Variants in FAM20C observed in about 807,000 individuals in gnomAD.
The protein encoded by FAM20C is FAM20C golgi associated secretory pathway kinase, also known as extracellular serine/threonine protein kinase FAM20C.
In FAM20C, 40 loss-of-function variants were observed where a neutral mutation model predicts 51.5. That is an observed-to-expected ratio of 0.78 (90% CI 0.60 to 1.01). FAM20C has a LOEUF of 1.01. FAM20C is among the 50% of genes least tolerant of loss of function. The probability of loss-of-function intolerance (pLI) is 0.00; values close to 1 mark genes in which losing one functional copy is unlikely to be tolerated. For synonymous variants in FAM20C, 406 were observed against 380.6 expected, an observed-to-expected ratio of 1.07 and a Z score of -0.78; for missense variants, 861 against 844.7, an observed-to-expected ratio of 1.02 and a Z score of -0.24.
intron 5 of FAM20C, among the ~76,000 whole-genome samples, chr7:249,803 C>T (rs1788325602): frequency 6.6e-6 from 1 of 152,204 alleles, no homozygotes; most frequent in Non-Finnish European, 1.5e-5. Context: ...TCCTCCTCTC[C>T]AAGCGCCTCT....
At chr7:193,881 C>T in intron 1 of FAM20C, 77 bp downstream of exon 1, 2 of 1,472,388 alleles carry the variant, frequency 1.4e-6, no homozygotes, top group Non-Finnish European at 1.8e-6. Context: ...TTCAGGGGCC[C>T]CAGAGGGCCG....
At chr7:240,604 A>T (rs1278978184) in intron 3 of FAM20C, among the ~76,000 whole-genome samples, 2 of 152,118 alleles carry the variant, frequency 1.3e-5, no homozygotes, top group African/African-American at 4.8e-5. Context: ...AAGGCTGCAG[A>T]TAGATCTAGA....
chr7:243,950 T>A (rs867041719), intron 3 of FAM20C, among the ~76,000 whole-genome samples: 1 of 143,168 alleles, frequency 7.0e-6, no homozygotes, highest in Non-Finnish European at 1.5e-5. Flanking sequence ...TAATAATTAT[T>A]ATTATTATTA....
At chr7:231,048 G>A (rs1787653125) in intron 3 of FAM20C, among the ~76,000 whole-genome samples, 1 of 152,156 alleles carries the variant, frequency 6.6e-6, no homozygotes, top group Non-Finnish European at 1.5e-5. Context: ...GACGGCCTGG[G>A]AGATGATGCT....
intron 3 of FAM20C, among the ~76,000 whole-genome samples, chr7:240,444 GATA>G (rs1197406211): frequency 0.019 from 2,600 of 134,934 alleles, 123 homozygotes; most frequent in African/African-American, 0.063. Context: ...TGATAAGGAT[GATA>G]ATGATGGTGG....
chr7:244,657 G>C (rs1470651527), intron 3 of FAM20C, among the ~76,000 whole-genome samples: 1 of 152,232 alleles, frequency 6.6e-6, no homozygotes, highest in Non-Finnish European at 1.5e-5. Context: ...GAAGTGCACA[G>C]AGATAGCAAT....
At chr7:209,099 C>T (rs1286824466) in intron 3 of FAM20C, 123 bp downstream of exon 3, 2 of 928,764 alleles carry the variant, frequency 2.2e-6, no homozygotes, top group Non-Finnish European at 3.3e-6. Flanking sequence ...TGTGGGTGAC[C>T]ACTCTCAACT....
Position 259,881 on chromosome 7 carries a change from C to T in FAM20C, c.1656C>T (p.Val552=), listed in dbSNP as rs997708166. The stretch of plus-strand genomic sequence containing the variant: ...AGGCCCTGGACCGGCGGCTCCGCGT[C>T]GTGCTAAAGGCCGTCCGGGACTGCG... ...HLEALDRRLR[V]VLKAVRDCVE... The change falls in exon 10 of 10, where the codon GTC becomes GTT. Residue 552 remains valine (V), a synonymous_variant. Coordinates refer to ENST00000313766, the MANE Select transcript of FAM20C (RefSeq NM_020223.4). 37 of 1,536,056 alleles carry T rather than the reference C, an allele frequency of 2.4e-5. No individual in the cohort carries two copies. The highest frequency in any genetic ancestry group is 2.7e-5 in the Non-Finnish European group (31 of 1,146,720).
chr7:210,629 G>A (rs1270609304), intron 3 of FAM20C, among the ~76,000 whole-genome samples: 1 of 152,134 alleles, frequency 6.6e-6, no homozygotes, highest in Admixed American at 6.5e-5. Flanking sequence ...CCTCGCAAAT[G>A]TTTCCAGGTT....
chr7:220,706 G>T (rs1477174328), intron 3 of FAM20C, among the ~76,000 whole-genome samples: 1 of 152,194 alleles, frequency 6.6e-6, no homozygotes, highest in Non-Finnish European at 1.5e-5. Context: ...CGTGTGCAGG[G>T]GAGAGAGGCC....
rs916798218 is a variant in FAM20C, at chr7:229,107, C to T, written c.864-17308C>T. 5.8e-6 allele frequency: 2 copies of T among 342,838 alleles called. 1 individual carries two copies. The highest frequency in any genetic ancestry group is 7.6e-5 in the Admixed American group (2 of 26,160). The allele number at this position is 342,838 out of a possible 1,614,324, so 21.2% of individuals were successfully genotyped here. On this transcript the variant is annotated intron_variant, in intron 3 of 9. Transcript: ENST00000313766. ...GGACCAGAAGCAGGGAAATGTCCCA[C>T]CCAGGAGGGGCCCTTCACGTCCAGA...
Position 256,009 on chromosome 7 carries a change from C to T in FAM20C, c.1233C>T (p.Tyr411=), listed in dbSNP as rs1788576192. 6.5e-7 allele frequency: 1 copy of T among 1,535,984 alleles called. No individual in the cohort carries two copies. The highest frequency in any genetic ancestry group is 2.4e-5 in the East Asian group (1 of 40,902). The change falls in exon 6 of 10, where the codon TAC becomes TAT. Residue 411 remains tyrosine (Y), a synonymous_variant. Coordinates refer to ENST00000313766, the MANE Select transcript of FAM20C (RefSeq NM_020223.4). ...GGCGGAACCCTTGGCGGCGTTCCTA[C>T]CACAAGCGCAAGAAGGCCGAGTGAG... ...KTWRNPWRRS[Y]HKRKKAEWEV...
At chr7:254,514 C>G (rs756999700) in intron 5 of FAM20C, among the ~76,000 whole-genome samples, 1 of 152,228 alleles carries the variant, frequency 6.6e-6, no homozygotes, top group African/African-American at 2.4e-5. Context: ...CGCCGTCGGC[C>G]GGGCCTCCAG....
chr7:258,806 T>C, intron 9 of FAM20C, 101 bp downstream of exon 9: 3 of 1,178,332 alleles, frequency 2.5e-6, no homozygotes, highest in Non-Finnish European at 1.2e-6. Context: ...GGCCATCACA[T>C]GGGAGAGAAA....
intron 2 of FAM20C, among the ~76,000 whole-genome samples, chr7:208,191 GT>G (rs1444293433): frequency 7.0e-6 from 1 of 142,758 alleles, no homozygotes; most frequent in African/African-American, 2.6e-5. Context: ...GTGTCGGGGG[GT>G]GTCTGTGGGT....
At chr7:201,565 G>T (rs942321357) in intron 2 of FAM20C, among the ~76,000 whole-genome samples, 1 of 152,202 alleles carries the variant, frequency 6.6e-6, no homozygotes, top group African/African-American at 2.4e-5. Context: ...ACCTGCTCTG[G>T]GTTCTTCCTT....
chr7:226,930 C>T (rs1035158225), intron 3 of FAM20C, among the ~76,000 whole-genome samples: 2 of 152,166 alleles, frequency 1.3e-5, no homozygotes, highest in South Asian at 2.1e-4. Flanking sequence ...GGGCCCTGCA[C>T]CCACTTTACC....
At chr7:211,715 A>G (rs1050732141) in intron 3 of FAM20C, among the ~76,000 whole-genome samples, 3 of 152,160 alleles carry the variant, frequency 2.0e-5, no homozygotes, top group Admixed American at 2.0e-4. Flanking sequence ...GCCGGGTTAC[A>G]GCATAGCCAG....
intron 4 of FAM20C, among the ~76,000 whole-genome samples, chr7:247,291 C>T (rs1317064030): frequency 3.3e-5 from 5 of 152,168 alleles, no homozygotes; most frequent in African/African-American, 4.8e-5. Context: ...GGGCAGTAAA[C>T]GGGCCTGGCC....
Sources: gnomAD v4.1 joint callset for allele counts (sites outside exome capture counted in the v4.1 genomes callset) on GRCh38, gnomAD v4.1.1 for gene constraint, MANE v1.5 for transcripts, NCBI Gene and HGNC (gene_info 2026-07-23, HGNC 2026-07-21) for gene names.